TMEM63A: variants seen among roughly 807,000 people sequenced by gnomAD.
TMEM63A encodes mechanosensitive cation channel TMEM63A.
A neutral mutation model predicts 100.6 loss-of-function variants in TMEM63A; 76 were observed. The ratio of observed to expected loss-of-function variants is 0.76; its 90% confidence interval spans 0.63 to 0.91. The LOEUF is 0.91. Ranked by LOEUF, TMEM63A falls within the 40% of genes least tolerant of loss-of-function variation. The pLI, the probability that TMEM63A is intolerant of heterozygous loss-of-function variation, is 0.00. For missense variants in TMEM63A, 876 were observed against 1,008.8 expected, an observed-to-expected ratio of 0.87 and a Z score of 1.78; for synonymous variants, 401 against 401.1, an observed-to-expected ratio of 1.00 and a Z score of 0.00.
chr1:225,848,839 C>T (rs996090463), intron 22 of TMEM63A, 58 bp downstream of exon 22: 15 of 1,375,854 alleles, frequency 1.1e-5, no homozygotes, highest in African/African-American at 4.3e-5. Flanking sequence ...ACAGCGAGCC[C>T]GTCCCACCAT....
downstream of TMEM63A, among the ~76,000 whole-genome samples, chr1:225,843,857 A>T (rs983615548): frequency 3.7e-4 from 57 of 152,284 alleles, no homozygotes; most frequent in African/African-American, 1.3e-3. Context: ...ACCAGTTTTC[A>T]TTTTGCCACC....
chr1:225,871,543 C>T (rs565045889), intron 5 of TMEM63A: 43 of 210,918 alleles, frequency 2.0e-4, no homozygotes, highest in African/African-American at 8.5e-4. Context: ...CTTAATACCC[C>T]TAAAGCTGGG....
chr1:225,857,744 CT>C (rs2102612118), intron 15 of TMEM63A, among the ~76,000 whole-genome samples: 1 of 152,164 alleles, frequency 6.6e-6, no homozygotes, highest in South Asian at 2.1e-4. Context: ...GAAACCAACA[CT>C]GGAATCACAA....
At position 225,876,616 on chromosome 1, in the gene TMEM63A, G is replaced by A. The variant is rs374616177; in HGVS notation, c.186+779C>T. The stretch of plus-strand genomic sequence containing the variant: ...AAGAAAGGCCACCTGCTGAAGGTAC[G>A]CTCTAAGAATCAGCTTCTAATTCTT... On this transcript the variant is annotated intron_variant, in intron 3 of 24. Coordinates refer to ENST00000366835, the MANE Select transcript of TMEM63A (RefSeq NM_014698.3). 1.1e-4 allele frequency among the ~76,000 whole-genome samples: 16 copies of A among 152,090 alleles called. No individual in the cohort carries two copies. The East Asian group carries it at 2.3e-3, about 22-fold the overall frequency.
At chr1:225,841,530 C>T (rs532579568), downstream of TMEM63A, among the ~76,000 whole-genome samples, 24 of 150,688 alleles carry the variant, frequency 1.6e-4, no homozygotes, top group South Asian at 1.1e-3. Flanking sequence ...GTGATCCACC[C>T]GCCTCGGCCT....
Position 225,862,776 on chromosome 1 carries a change from C to G in TMEM63A, c.822G>C (p.Lys274Asn), listed in dbSNP as rs748821904. The G allele has an allele frequency of 2.0e-5, 32 of 1,613,852 alleles. No individual in the cohort carries two copies. The Middle Eastern group carries it at 4.9e-4, about 25-fold the overall frequency. The change falls in exon 11 of 25, where the codon AAG becomes AAC. Residue 274 changes from lysine to asparagine, a missense_variant. Physicochemically the swap from Lys to Asn is moderately conservative, Grantham distance 94. Coordinates refer to ENST00000366835, the MANE Select transcript of TMEM63A (RefSeq NM_014698.3). The surrounding 1 kb of genome is among the most constrained non-coding windows in gnomAD (Gnocchi z 5.1). ...YNVAKLIYLCKEKKKTEKSLT... is the reference protein window; with the variant it reads ...YNVAKLIYLCNEKKKTEKSLT... ...AAGGCCCGCCCACCACTCACTTCTC[C>G]TTGCACAGGTAGATCAGTTTGGCCA... is the stretch of plus-strand genomic sequence containing the variant.
chr1:225,864,516 G>A (rs1485835931), intron 10 of TMEM63A: 1 of 152,164 alleles, frequency 6.6e-6, no homozygotes, highest in Non-Finnish European at 1.5e-5. Flanking sequence ...ATGAGAATGA[G>A]GAGACTTTTT....
At chr1:225,863,732 T>C (rs531596637) in intron 10 of TMEM63A, among the ~76,000 whole-genome samples, 1 of 151,818 alleles carries the variant, frequency 6.6e-6, no homozygotes, top group Non-Finnish European at 1.5e-5. Context: ...GCCTGGCCAA[T>C]GTGGTGAAAC....
intron 6 of TMEM63A, among the ~76,000 whole-genome samples, chr1:225,870,362 A>AC (rs1471196278): frequency 6.6e-6 from 1 of 151,480 alleles, no homozygotes; most frequent in Non-Finnish European, 1.5e-5. Context: ...GAAAAAAAAA[A>AC]AAACATGCAT....
In TMEM63A at chr1:225,862,141, A is replaced by G; in HGVS notation, c.1085+77T>C. 1 of 1,580,198 alleles carries G rather than the reference A, an allele frequency of 6.3e-7. No homozygotes were observed. Among genetic ancestry groups the G allele is most frequent in the Middle Eastern group, 2.3e-4 (1 of 4,368 alleles). On this transcript the variant is annotated intron_variant, in intron 13 of 24. Transcript: ENST00000366835. The surrounding 1 kb of genome is among the most constrained non-coding windows in gnomAD (Gnocchi z 5.1). Reference sequence around the variant, plus strand: ...ATGGTGGGTCAGCAGTACCATCTCCACTCGAGAGGGACAGTGAGTTATCTG... The same window carrying G: ...ATGGTGGGTCAGCAGTACCATCTCCGCTCGAGAGGGACAGTGAGTTATCTG...
chr1:225,874,172 C>T, intron 4 of TMEM63A, 116 bp downstream of exon 4: 2 of 984,224 alleles, frequency 2.0e-6, no homozygotes, highest in Non-Finnish European at 3.0e-6. Flanking sequence ...TCCAGGGACA[C>T]ACACACACAC....
rs1328335851 is a variant in TMEM63A at position 225,867,236 on chromosome 1, G to C, written c.515-73C>G. 1.3e-6 allele frequency: 2 copies of C among 1,487,686 alleles called. No homozygotes were observed. The highest frequency in any genetic ancestry group is 1.9e-6 in the Non-Finnish European group (2 of 1,065,374). 92.2% of individuals were successfully genotyped at this position (1,487,686 alleles called of 1,614,324 possible). A position where few individuals can be genotyped will look rare whatever the true frequency, so the allele number is the denominator to read the frequency against. ...GGAGGGGGCGTAACCAATCAGCCTT[G>C]GTTTGTGGAGCTCTGGGGAGGAGGA... On this transcript the variant is annotated intron_variant, in intron 7 of 24. Transcript: ENST00000366835. The surrounding 1 kb of genome is among the most constrained non-coding windows in gnomAD (Gnocchi z 4.6).
chr1:225,858,990 GTGTGTGTA>G (rs1669796882), intron 15 of TMEM63A, among the ~76,000 whole-genome samples, 198 bp downstream of exon 15: 2 of 115,632 alleles, frequency 1.7e-5, no homozygotes, highest in Non-Finnish European at 1.9e-5. Flanking sequence ...GTGTGTGTGT[GTGTGTGTA>G]TGGCATTACT....
rs912360052 is a variant in TMEM63A at position 225,856,968 on chromosome 1, G to A, written c.1427C>T (p.Ser476Leu). 3.7e-6 allele frequency: 6 copies of A among 1,602,108 alleles called. No individual in the cohort carries two copies. The highest frequency in any genetic ancestry group is 2.2e-5 in the East Asian group (1 of 44,624). Reference protein sequence around the residue: ...FFPTLLLWSFSALLPSIVYYS... With the variant: ...FFPTLLLWSFLALLPSIVYYS... ...GTAGACAATGGAGGGGAGCAGGGCC[G>A]AGAAGGACCAGAGCAGGAGGGTGGG... The change falls in exon 16 of 25, where the codon TCG becomes TTG. Residue 476 changes from serine to leucine, a missense_variant. Coordinates refer to ENST00000366835, the MANE Select transcript of TMEM63A (RefSeq NM_014698.3).
Position 225,847,071 on chromosome 1 carries a change from C to A in TMEM63A, c.2393G>T (p.Gly798Val). The A allele has an allele frequency of 6.2e-7, 1 of 1,613,200 alleles. No individual in the cohort carries two copies. Among genetic ancestry groups the A allele is most frequent in the Non-Finnish European group, 8.5e-7 (1 of 1,179,744 alleles). The change falls in exon 24 of 25, where the codon GGC (glycine) becomes GTC (valine). Residue 798 changes from glycine (G) to valine (V), a missense_variant. Gly to Val is a moderately radical substitution (Grantham distance 109). Around this residue, in one of 5 missense-constraint regions of TMEM63A, gnomAD observed 339 missense variants for 342.3 expected, o/e 0.99. Transcript: ENST00000366835. ...PGQCLAQSAT[G>V]SVAAAPQEA ...CTCCTGGGGGGCAGCAGCCACACTG[C>A]CCGTGGCGCTCTGCGCCAAGCACTG...
At chr1:225,848,399 A>T in intron 23 of TMEM63A, 93 bp downstream of exon 23, 3 of 1,339,426 alleles carry the variant, frequency 2.2e-6, no homozygotes, top group Non-Finnish European at 2.1e-6. Flanking sequence ...GCAAGAGATG[A>T]TCAAAGATTT....
chr1:225,852,620 TCCATGTAC>T (rs749663821), intron 20 of TMEM63A, 36 bp downstream of exon 20: 22 of 1,593,148 alleles, frequency 1.4e-5, no homozygotes, highest in African/African-American at 2.7e-5. Flanking sequence ...CAATCAGCCG[TCCATGTAC>T]CCATGTACCC....
intron 15 of TMEM63A, among the ~76,000 whole-genome samples, chr1:225,857,397 G>T (rs1576081767): frequency 1.4e-5 from 1 of 72,648 alleles, no homozygotes; most frequent in South Asian, 3.8e-4. Flanking sequence ...GGGGGGGGGG[G>T]TGCCCTGCCT....
chr1:225,860,701 T>C (rs1021997958), intron 14 of TMEM63A, 159 bp downstream of exon 14: 12 of 805,900 alleles, frequency 1.5e-5, no homozygotes, highest in South Asian at 3.3e-5. Context: ...GATACCCCAG[T>C]TGGGCCACAC....
Sources: gnomAD v4.1 joint callset for allele counts (sites outside exome capture counted in the v4.1 genomes callset) on GRCh38, gnomAD v4.1.1 for gene constraint, gnomAD v4.1.1 regional missense constraint, Gnocchi (gnomAD v3.1) non-coding constraint, MANE v1.5 for transcripts, NCBI Gene and HGNC (gene_info 2026-07-23, HGNC 2026-07-21) for gene names.